Variants in AGBL4 observed in about 807,000 individuals in gnomAD.
AGBL4 encodes the protein cytosolic carboxypeptidase 6.
In AGBL4, 58 loss-of-function variants were observed where a neutral mutation model predicts 66.4. That is an observed-to-expected ratio of 0.87 (90% CI 0.71 to 1.09). The LOEUF (loss-of-function observed/expected upper bound fraction) is 1.09. AGBL4 is among the 50% of genes least tolerant of loss of function. The pLI, the probability that AGBL4 is intolerant of heterozygous loss-of-function variation, is 0.00. For synonymous variants in AGBL4, 234 were observed against 222.9 expected (o/e 1.05, Z -0.44); for missense variants, 579 against 631.0 (o/e 0.92, Z 0.88).
At chr1:48,898,503 T>C (rs1443512689) in intron 5 of AGBL4, among the ~76,000 whole-genome samples, 1 of 152,198 alleles carries the variant, frequency 6.6e-6, no homozygotes, top group Non-Finnish European at 1.5e-5. Context: ...AGGAATCTTG[T>C]TTCATTCTTC....
intron 6 of AGBL4, among the ~76,000 whole-genome samples, chr1:48,782,631 G>A (rs773523953): frequency 4.6e-5 from 7 of 151,970 alleles, no homozygotes; most frequent in Non-Finnish European, 1.0e-4. Flanking sequence ...GTAGTTTTAG[G>A]TTCATAGTAA....
chr1:49,051,111 G>C (rs1315316780), intron 4 of AGBL4, among the ~76,000 whole-genome samples: 3 of 152,032 alleles, frequency 2.0e-5, no homozygotes, highest in African/African-American at 7.2e-5. Context: ...TAATCAAGCA[G>C]AGAAATACAG....
intron 3 of AGBL4, among the ~76,000 whole-genome samples, chr1:49,591,483 C>A (rs1644750498): frequency 6.6e-6 from 1 of 151,940 alleles, no homozygotes; most frequent in African/African-American, 2.4e-5. Flanking sequence ...GAATTGAATT[C>A]ATTCTCTATC....
intron 3 of AGBL4, among the ~76,000 whole-genome samples, chr1:49,313,619 C>A (rs1013633059): frequency 1.1e-4 from 16 of 151,866 alleles, no homozygotes; most frequent in African/African-American, 3.6e-4. Flanking sequence ...ATTTCTCTAA[C>A]GACCTGTGAT....
At chr1:49,791,826 T>C (rs909636384) in intron 2 of AGBL4, among the ~76,000 whole-genome samples, 2 of 152,122 alleles carry the variant, frequency 1.3e-5, no homozygotes, top group African/African-American at 4.8e-5. Flanking sequence ...TCTCACAACA[T>C]GAAATTATAT....
At chr1:49,846,095 C>G in intron 2 of AGBL4, 1 of 1,535,162 alleles carries the variant, frequency 6.5e-7, no homozygotes, top group East Asian at 2.3e-5. Flanking sequence ...TGAATGTAAC[C>G]AGTGTAGCCA....
At chr1:49,688,429 A>G (rs921803241) in intron 3 of AGBL4, among the ~76,000 whole-genome samples, 1 of 152,164 alleles carries the variant, frequency 6.6e-6, no homozygotes, top group African/African-American at 2.4e-5. Flanking sequence ...TTTATGGCTG[A>G]ATAGTACTCC....
At chr1:49,124,055 G>A (rs1645716741) in intron 4 of AGBL4, among the ~76,000 whole-genome samples, 1 of 152,174 alleles carries the variant, frequency 6.6e-6, no homozygotes, top group Non-Finnish European at 1.5e-5. Flanking sequence ...GATGAAGCTG[G>A]AAAGATAGAC....
At chr1:49,486,561 T>A (rs559470853) in intron 3 of AGBL4, among the ~76,000 whole-genome samples, 45 of 152,060 alleles carry the variant, frequency 3.0e-4, no homozygotes, top group South Asian at 2.1e-3. Flanking sequence ...TTCCTGCCCA[T>A]CCTCCTCAAA....
chr1:49,748,684 T>C (rs186026778), intron 2 of AGBL4, among the ~76,000 whole-genome samples: 1 of 152,352 alleles, frequency 6.6e-6, no homozygotes, highest in East Asian at 1.9e-4. Context: ...TTCCTGACTT[T>C]TTAATGATCA....
At chr1:49,094,270 G>T (rs2147985630) in intron 4 of AGBL4, among the ~76,000 whole-genome samples, 1 of 152,036 alleles carries the variant, frequency 6.6e-6, no homozygotes, top group East Asian at 1.9e-4. Flanking sequence ...CCTAGAACCT[G>T]GGAATTTTAC....
At chr1:48,708,768 G>T (rs916774215) in intron 6 of AGBL4, among the ~76,000 whole-genome samples, 3 of 152,206 alleles carry the variant, frequency 2.0e-5, no homozygotes, top group East Asian at 3.9e-4. Flanking sequence ...CACCACTAGT[G>T]ACACAGAAAA....
At chr1:49,831,035 G>GTAGCT (rs1325632228) in intron 2 of AGBL4, among the ~76,000 whole-genome samples, 1 of 152,170 alleles carries the variant, frequency 6.6e-6, no homozygotes, top group African/African-American at 2.4e-5. Flanking sequence ...TTGAAGTCAG[G>GTAGCT]TAGCTTGATG....
intron 3 of AGBL4, among the ~76,000 whole-genome samples, chr1:49,642,403 C>T (rs558682627): frequency 2.6e-5 from 4 of 151,928 alleles, no homozygotes; most frequent in South Asian, 4.1e-4. Context: ...GAGAAGAAAC[C>T]CAGGAAGATC....
chr1:49,139,345 A>G (rs553888231), intron 4 of AGBL4, among the ~76,000 whole-genome samples: 1 of 152,192 alleles, frequency 6.6e-6, no homozygotes, highest in Non-Finnish European at 1.5e-5. Context: ...CTGAGGCTCA[A>G]TGAGGTAGAG....
chr1:49,691,870 C>A (rs1047027706), intron 3 of AGBL4, among the ~76,000 whole-genome samples: 4 of 152,306 alleles, frequency 2.6e-5, no homozygotes, highest in African/African-American at 9.6e-5. Flanking sequence ...TGCCCTCGAA[C>A]ATCGGACTCC....
intron 4 of AGBL4, among the ~76,000 whole-genome samples, chr1:49,208,905 A>T (rs1455038485): frequency 1.3e-5 from 2 of 151,954 alleles, no homozygotes; most frequent in African/African-American, 2.4e-5. Flanking sequence ...ACACACAAAC[A>T]ACACACCACC....
At chr1:49,047,376 G>T (rs902915788) in intron 4 of AGBL4, among the ~76,000 whole-genome samples, 9 of 152,114 alleles carry the variant, frequency 5.9e-5, no homozygotes, top group Non-Finnish European at 1.2e-4. Flanking sequence ...GTCAGAGGTA[G>T]TATCAAAGGT....
chr1:49,357,280 A>T (rs1644039710), intron 3 of AGBL4, among the ~76,000 whole-genome samples: 1 of 152,180 alleles, frequency 6.6e-6, no homozygotes, highest in Admixed American at 6.6e-5. Context: ...TCACATTGAG[A>T]CTATTCCTTG....
Sources: gnomAD v4.1 joint callset for allele counts (sites outside exome capture counted in the v4.1 genomes callset) on GRCh38, gnomAD v4.1.1 for gene constraint, MANE v1.5 for transcripts, NCBI Gene and HGNC (gene_info 2026-07-23, HGNC 2026-07-21) for gene names.